The following FAF2 variants were observed in gnomAD, a reference collection of about 807,000 sequenced individuals.
FAF2 encodes Fas associated factor family member 2.
A neutral mutation model predicts 62.3 loss-of-function variants in FAF2; 9 were observed. The ratio of observed to expected loss-of-function variants is 0.14; its 90% CI spans 0.09 to 0.25. The LOEUF (loss-of-function observed/expected upper bound fraction) is 0.25. FAF2 is among the 10% of genes least tolerant of loss of function. FAF2 has a pLI of 1.00. For synonymous variants in FAF2, 202 were observed against 198.0 expected (o/e 1.02, Z -0.17); for missense variants, 368 against 556.2 (o/e 0.66, Z 3.40).
intron 1 of FAF2, among the ~76,000 whole-genome samples, chr5:176,460,767 A>T (rs1451539391): frequency 6.6e-6 from 1 of 152,046 alleles, no homozygotes; most frequent in Non-Finnish European, 1.5e-5. Flanking sequence ...CCTGGGCAAC[A>T]TTGCAAGACC....
At chr5:176,466,258 G>A (rs1758465493) in intron 1 of FAF2, among the ~76,000 whole-genome samples, 1 of 152,172 alleles carries the variant, frequency 6.6e-6, no homozygotes, top group East Asian at 1.9e-4. Context: ...ATCAGAGAAG[G>A]CATACTGCCT....
intron 1 of FAF2, among the ~76,000 whole-genome samples, chr5:176,450,819 G>T (rs953740784): frequency 6.6e-6 from 1 of 152,152 alleles, no homozygotes; most frequent in African/African-American, 2.4e-5. Flanking sequence ...GGGATTACAG[G>T]CGTGAGCCGC....
intron 1 of FAF2, among the ~76,000 whole-genome samples, chr5:176,469,556 AT>A (rs1183891195): frequency 5.9e-5 from 9 of 152,336 alleles, no homozygotes; most frequent in African/African-American, 2.2e-4. Context: ...CATTTGACTT[AT>A]GTTGAATCCA....
chr5:176,450,061 G>A (rs1016225959), intron 1 of FAF2, among the ~76,000 whole-genome samples: 15 of 152,232 alleles, frequency 9.9e-5, no homozygotes, highest in African/African-American at 3.4e-4. Context: ...GTGTACAGTT[G>A]AGTGTGGAAT....
In FAF2 at chr5:176,507,556, T is replaced by A. The variant is rs1755707316; in HGVS notation, c.*606T>A. ...TTTCCTTTATTTGATAAAGAGCCAATTCTTTAAACCCATGAGTTTATGCCC... is the reference window on the plus strand; with the variant it reads ...TTTCCTTTATTTGATAAAGAGCCAAATCTTTAAACCCATGAGTTTATGCCC... On this transcript the variant is annotated 3_prime_UTR_variant, in exon 11 of 11. Transcript: ENST00000261942. 1 of 164,536 alleles carries A rather than the reference T, an allele frequency of 6.1e-6. No homozygotes were observed. Among genetic ancestry groups the A allele is most frequent in the African/African-American group, 2.4e-5 (1 of 41,580 alleles). 10.2% of individuals were successfully genotyped at this position (164,536 alleles called of 1,614,324 possible). A position where few individuals can be genotyped will look rare whatever the true frequency, so the allele number is the denominator to read the frequency against.
At chr5:176,479,069 C>CT (rs1758747783) in intron 1 of FAF2, 119 bp from the exon 2 acceptor site, 1 of 807,986 alleles carries the variant, frequency 1.2e-6, no homozygotes, top group South Asian at 1.4e-5. Flanking sequence ...TTTTACCATA[C>CT]TTTAACACTC....
At chr5:176,485,001 A>G (rs1561823447) in intron 2 of FAF2, among the ~76,000 whole-genome samples, 1 of 152,254 alleles carries the variant, frequency 6.6e-6, no homozygotes, top group Admixed American at 6.5e-5. Flanking sequence ...TGAAGAAAGA[A>G]AAAGAAATTC....
chr5:176,487,398 G>C (rs1185749906), intron 3 of FAF2, among the ~76,000 whole-genome samples: 1 of 152,084 alleles, frequency 6.6e-6, no homozygotes, highest in Admixed American at 6.6e-5. Context: ...GCCCAGGCTG[G>C]TCTTGAACTC....
intron 10 of FAF2, among the ~76,000 whole-genome samples, chr5:176,505,990 A>G (rs991637072): frequency 5.9e-5 from 9 of 152,068 alleles, no homozygotes; most frequent in Non-Finnish European, 1.3e-4. Context: ...GAAGATCGAG[A>G]CCATCCTGGC....
intron 1 of FAF2, among the ~76,000 whole-genome samples, chr5:176,470,157 A>G (rs189145289): frequency 6.6e-6 from 1 of 152,370 alleles, no homozygotes; most frequent in Admixed American, 6.5e-5. Context: ...ATCAAGCCCT[A>G]AACCTTTCCT....
chr5:176,457,676 T>TGTG (rs1438496283), intron 1 of FAF2, among the ~76,000 whole-genome samples: 28 of 121,534 alleles, frequency 2.3e-4, no homozygotes, highest in Non-Finnish European at 2.4e-4. Context: ...GTGTGTGTGT[T>TGTG]TAATACTACT....
rs897202790 is a variant in FAF2 at position 176,508,352 on chromosome 5, A to G, written c.*1402A>G. On this transcript the variant is annotated 3_prime_UTR_variant, in exon 11 of 11. Transcript: ENST00000261942. ...GGTGCAGGCTCGTTGTACCACTGCA[A>G]CCGACTGACGTTACTGTAGTTCCTA... The G allele has an allele frequency of 6.6e-6, 1 of 152,148 alleles. No homozygotes were observed. Among genetic ancestry groups the G allele is most frequent in the Non-Finnish European group, 1.5e-5 (1 of 68,068 alleles). 9.4% of individuals were successfully genotyped at this position (152,148 alleles called of 1,614,324 possible).
In FAF2 at chr5:176,462,137, G is replaced by A. The variant is rs991731463; in HGVS notation, c.63+13667G>A. ...ACTAAAAATACAAAATCAGCCAGGC[G>A]TGGTGGCAAGCGCCTGTAGTCCCAG... On this transcript the variant is annotated intron_variant, in intron 1 of 10. Coordinates refer to ENST00000261942, the MANE Select transcript of FAF2 (RefSeq NM_014613.3). 4.0e-5 allele frequency among the ~76,000 whole-genome samples: 6 copies of A among 151,836 alleles called. No individual in the cohort carries two copies. The South Asian group carries it at 6.2e-4, about 16-fold the overall frequency.
In FAF2 at chr5:176,454,577, G is replaced by GAAAAA. The variant is rs56324116; in HGVS notation, c.63+6137_63+6141dup. Among the ~76,000 whole-genome samples the GAAAAA allele has an allele frequency of 5.2e-4, 50 of 95,284 alleles. 1 individual carries two copies. Among genetic ancestry groups the GAAAAA allele is most frequent in the South Asian group, 9.3e-4 (3 of 3,216 alleles). 62.5% of individuals were successfully genotyped at this position (95,284 alleles called of 152,430 possible). On this transcript the variant is annotated intron_variant, in intron 1 of 10. Transcript: ENST00000261942. ...TGGGCAACAGAGCCAGATTCTGTCT[G>GAAAAA]AAAAAAAAAAAAAAAAAAAAAAAAA...
Position 176,502,164 on chromosome 5 carries a change from C to G in FAF2, c.1155+2018C>G, listed in dbSNP as rs537623214. Among the ~76,000 whole-genome samples, 4 of 152,324 alleles carry G rather than the reference C, an allele frequency of 2.6e-5. No individual in the cohort carries two copies. The South Asian group carries it at 8.3e-4, about 32-fold the overall frequency. ...AGCGTTAATTTCCTTCCCCTGGTGT[C>G]CCATTTCTTAACTATGGGTTTGTGT... is the stretch of plus-strand genomic sequence containing the variant. On this transcript the variant is annotated intron_variant, in intron 10 of 10. Coordinates refer to ENST00000261942, the MANE Select transcript of FAF2 (RefSeq NM_014613.3).
In FAF2 at chr5:176,506,987, TAAAAGA is replaced by T. The variant is rs1561830687; in HGVS notation, c.*40_*45del. 7.5e-7 allele frequency: 1 copy of T among 1,337,676 alleles called. No homozygotes were observed. Among genetic ancestry groups the T allele is most frequent in the Non-Finnish European group, 9.7e-7 (1 of 1,029,844 alleles). 82.9% of individuals were successfully genotyped at this position (1,337,676 alleles called of 1,614,324 possible). ...TCCTGTCCCCTCCTACCCCAGTCCC[TAAAAGA>T]AATGGGGAAAAAAGAAAACAACAGC... On this transcript the variant is annotated 3_prime_UTR_variant, in exon 11 of 11. Transcript: ENST00000261942.
chr5:176,448,937 G>T (rs1005347369), intron 1 of FAF2, among the ~76,000 whole-genome samples: 2 of 152,178 alleles, frequency 1.3e-5, no homozygotes, highest in Non-Finnish European at 1.5e-5. Flanking sequence ...ACCAGGTTTC[G>T]TGTTGGGGGT....
At chr5:176,449,377 C>T (rs527262045) in intron 1 of FAF2, among the ~76,000 whole-genome samples, 71 of 152,182 alleles carry the variant, frequency 4.7e-4, no homozygotes, top group Non-Finnish European at 9.8e-4. Context: ...GAGTTCGAGA[C>T]CACTCTGGCC....
intron 1 of FAF2, among the ~76,000 whole-genome samples, chr5:176,451,796 A>G (rs1245953547): frequency 1.9e-5 from 1 of 53,004 alleles, no homozygotes; most frequent in South Asian, 6.6e-4. Flanking sequence ...GTATATATAT[A>G]TACATATATA....
Sources: gnomAD v4.1 joint callset for allele counts (sites outside exome capture counted in the v4.1 genomes callset) on GRCh38, gnomAD v4.1.1 for gene constraint, MANE v1.5 for transcripts, NCBI Gene and HGNC (gene_info 2026-07-23, HGNC 2026-07-21) for gene names.